Variants in NCOR1 observed in about 807,000 individuals in gnomAD.
NCOR1 encodes the protein protein phosphatase 1, regulatory subunit 109.
In NCOR1, 63 loss-of-function variants were observed where a neutral mutation model predicts 288.1. That is an observed-to-expected ratio of 0.22 (90% CI 0.18 to 0.27). The LOEUF is 0.27. Among genes scored for constraint, NCOR1 ranks in the 10% least tolerant of loss-of-function variants. The pLI is 1.00. For missense variants in NCOR1, 2,397 were observed against 3,019.2 expected, an observed-to-expected ratio of 0.79 and a Z score of 4.83; for synonymous variants, 1,007 against 1,065.9, an observed-to-expected ratio of 0.94 and a Z score of 1.08.
Position 16,215,469 on chromosome 17 carries a change from A to ACGCTCACTCCAGC in NCOR1, c.-191_-179dup, listed in dbSNP as rs762204527. 156 of 397,894 alleles carry ACGCTCACTCCAGC rather than the reference A, an allele frequency of 3.9e-4. No homozygotes were observed. The highest frequency in any genetic ancestry group is 5.9e-4 in the Non-Finnish European group (134 of 225,780). 24.6% of individuals were successfully genotyped at this position (397,894 alleles called of 1,614,324 possible). A position where few individuals can be genotyped will look rare whatever the true frequency, so the allele number is the denominator to read the frequency against. On this transcript the variant is annotated 5_prime_UTR_variant, in exon 1 of 46. Coordinates refer to ENST00000268712, the MANE Select transcript of NCOR1 (RefSeq NM_006311.4). ...GACCTCGTTCGGCGCGGCGAGTCGG[A>ACGCTCACTCCAGC]CGCTCACTCCAGCCGCCGCCGCCGC...
intron 1 of NCOR1, among the ~76,000 whole-genome samples, chr17:16,197,928 G>A: frequency 6.6e-6 from 1 of 152,068 alleles, no homozygotes; most frequent in Non-Finnish European, 1.5e-5. Flanking sequence ...TACACTCCCA[G>A]AAGGCAACCA....
intron 21 of NCOR1, among the ~76,000 whole-genome samples, chr17:16,097,378 G>C (rs1001977469): frequency 1.3e-5 from 2 of 152,228 alleles, no homozygotes; most frequent in Non-Finnish European, 2.9e-5. Flanking sequence ...GCACCACCAT[G>C]CCCAGCAAGG....
chr17:16,096,598 T>C (rs1371873718), intron 21 of NCOR1, among the ~76,000 whole-genome samples: 1 of 152,234 alleles, frequency 6.6e-6, no homozygotes, highest in Non-Finnish European at 1.5e-5. Flanking sequence ...CTAATATTTA[T>C]GGCTAGAGCA....
At chr17:16,167,894 A>C (rs2082335070) in intron 4 of NCOR1, among the ~76,000 whole-genome samples, 6 of 151,378 alleles carry the variant, frequency 4.0e-5, no homozygotes, top group Admixed American at 4.0e-4. Context: ...ACACACAAAA[A>C]CACAATCTTC....
chr17:16,129,884 T>G (rs1268694494), intron 14 of NCOR1, among the ~76,000 whole-genome samples: 1 of 152,214 alleles, frequency 6.6e-6, no homozygotes, highest in African/African-American at 2.4e-5. Flanking sequence ...CTAATGCCAA[T>G]CAGAGCTTCA....
intron 37 of NCOR1, among the ~76,000 whole-genome samples, chr17:16,059,053 A>G (rs982567375): frequency 6.8e-6 from 1 of 146,962 alleles, no homozygotes; most frequent in Non-Finnish European, 1.5e-5. Flanking sequence ...CCGTCTCAAA[A>G]AAAAAAAAAA....
At chr17:16,147,795 C>T (rs574969302) in intron 9 of NCOR1, among the ~76,000 whole-genome samples, 1 of 152,300 alleles carries the variant, frequency 6.6e-6, no homozygotes, top group South Asian at 2.1e-4. Context: ...AGCTCCCATG[C>T]ATTCTTAATG....
At position 16,194,449 on chromosome 17, in the gene NCOR1, A is replaced by G; in HGVS notation, c.108+13T>C. 1.4e-5 allele frequency: 22 copies of G among 1,546,606 alleles called. No individual in the cohort carries two copies. Among genetic ancestry groups the G allele is most frequent in the Non-Finnish European group, 2.0e-5 (22 of 1,124,962 alleles). The stretch of plus-strand genomic sequence containing the variant: ...AAAAAACATGTGCAATTTGCATACT[A>G]TCTGTTCCTTACCTGCTGGTGGCGG... On this transcript the variant is annotated intron_variant, in intron 2 of 45. Transcript: ENST00000268712.
rs367879128 is a variant in NCOR1, at chr17:16,095,861, G to A, written c.2820+2506C>T. Among the ~76,000 whole-genome samples the A allele has an allele frequency of 7.3e-5, 11 of 151,690 alleles. No homozygotes were observed. The South Asian group carries it at 1.5e-3, about 20-fold the overall frequency. The stretch of plus-strand genomic sequence containing the variant: ...CTCATTGAGAACGGGCCATGATGAC[G>A]ATGGCGGTTTTGTGGAATAGAAAAG... On this transcript the variant is annotated intron_variant, in intron 21 of 45. Transcript: ENST00000268712.
chr17:16,211,583 T>C (rs2092132107), intron 1 of NCOR1, among the ~76,000 whole-genome samples: 1 of 151,768 alleles, frequency 6.6e-6, no homozygotes, highest in Non-Finnish European at 1.5e-5. Flanking sequence ...CGCTGTTAAA[T>C]AAAAGTAACA....
intron 21 of NCOR1, among the ~76,000 whole-genome samples, chr17:16,094,269 A>G (rs1439745801): frequency 2.6e-5 from 4 of 151,694 alleles, no homozygotes; most frequent in African/African-American, 4.8e-5. Flanking sequence ...ATATATAAAT[A>G]CTCTCCACAA....
chr17:16,201,528 G>A (rs2090807191), intron 1 of NCOR1, among the ~76,000 whole-genome samples: 2 of 152,156 alleles, frequency 1.3e-5, no homozygotes, highest in Admixed American at 1.3e-4. Flanking sequence ...AACTCAGGAG[G>A]CAGAGGTTGC....
rs533457417 is a variant in NCOR1, at chr17:16,051,998, A to G, written c.6393-3010T>C. Among the ~76,000 whole-genome samples the G allele has an allele frequency of 3.5e-4, 54 of 152,200 alleles. 1 individual carries two copies. In the South Asian group the frequency reaches 0.01, roughly 29 times the overall value. On this transcript the variant is annotated intron_variant, in intron 40 of 45. Coordinates refer to ENST00000268712, the MANE Select transcript of NCOR1 (RefSeq NM_006311.4). ...CAAAAAAACACTCAAAAGATCAACA[A>G]ATTCAGGATCTGGTTTTTGTTTTGT...
chr17:16,180,933 C>T (rs556393725), intron 3 of NCOR1, among the ~76,000 whole-genome samples: 19 of 152,116 alleles, frequency 1.2e-4, no homozygotes, highest in Non-Finnish European at 2.4e-4. Context: ...CTGAGGTGGG[C>T]GGATTACTTG....
At chr17:16,097,988 A>T (rs1463209965) in intron 21 of NCOR1, among the ~76,000 whole-genome samples, 2 of 152,208 alleles carry the variant, frequency 1.3e-5, no homozygotes, top group Admixed American at 6.5e-5. Flanking sequence ...GTGAGGAAAA[A>T]GCCCATACAT....
chr17:16,155,368 A>AAT (rs2079571604), intron 6 of NCOR1, among the ~76,000 whole-genome samples: 1 of 138,506 alleles, frequency 7.2e-6, no homozygotes, highest in African/African-American at 2.8e-5. Context: ...AAAAAAAAAA[A>AAT]ATACACACAC....
rs1568745767 is a variant in NCOR1, at chr17:16,215,493, G to GCCC, written c.-203_-202insGGG. On this transcript the variant is annotated 5_prime_UTR_variant, in exon 1 of 46. Coordinates refer to ENST00000268712, the MANE Select transcript of NCOR1 (RefSeq NM_006311.4). ...GACGCTCACTCCAGCCGCCGCCGCC[G>GCCC]CCGCGGCTGCTGCTTCGCCACCTTG... 2 of 398,458 alleles carry GCCC rather than the reference G, an allele frequency of 5.0e-6. No individual in the cohort carries two copies. Among genetic ancestry groups the GCCC allele is most frequent in the Non-Finnish European group, 8.8e-6 (2 of 226,166 alleles). 24.7% of individuals were successfully genotyped at this position (398,458 alleles called of 1,614,324 possible). A position where few individuals can be genotyped will look rare whatever the true frequency, so the allele number is the denominator to read the frequency against.
chr17:16,129,071 A>C (rs2075206648), intron 14 of NCOR1, among the ~76,000 whole-genome samples: 1 of 152,216 alleles, frequency 6.6e-6, no homozygotes, highest in Non-Finnish European at 1.5e-5. Context: ...ATGCCTTGAC[A>C]TTATTTTTCA....
At chr17:16,200,114 T>C (rs2090562094) in intron 1 of NCOR1, among the ~76,000 whole-genome samples, 1 of 152,156 alleles carries the variant, frequency 6.6e-6, no homozygotes, top group Non-Finnish European at 1.5e-5. Flanking sequence ...CAGGAACTCC[T>C]GGCTTTTGGC....
Sources: gnomAD v4.1 joint callset for allele counts (sites outside exome capture counted in the v4.1 genomes callset) on GRCh38, gnomAD v4.1.1 for gene constraint, MANE v1.5 for transcripts, NCBI Gene and HGNC (gene_info 2026-07-23, HGNC 2026-07-21) for gene names.